The following TRIM44 variants were observed in gnomAD, a reference collection of about 807,000 sequenced individuals.
TRIM44 encodes tripartite motif containing 44.
Under a neutral mutation model 37.4 loss-of-function variants are expected in TRIM44, and 13 were observed. The ratio of observed to expected loss-of-function variants is 0.35; its 90% CI spans 0.23 to 0.55. The LOEUF is 0.55. TRIM44 is among the 20% of genes least tolerant of loss of function. The probability of loss-of-function intolerance (pLI) is 0.89; values close to 1 mark genes in which losing one functional copy is unlikely to be tolerated. For missense variants in TRIM44, 426 were observed against 437.2 expected (o/e 0.97, Z 0.23); for synonymous variants, 175 against 157.2 (o/e 1.11, Z -0.85).
intron 4 of TRIM44, among the ~76,000 whole-genome samples, chr11:35,755,234 T>C (rs1215014147): frequency 6.6e-6 from 1 of 152,222 alleles, no homozygotes; most frequent in Non-Finnish European, 1.5e-5. Context: ...GTGGTTTTGA[T>C]TTGCATTTCT....
intron 4 of TRIM44, among the ~76,000 whole-genome samples, chr11:35,788,973 A>G (rs1853165258): frequency 6.6e-6 from 1 of 152,222 alleles, no homozygotes; most frequent in South Asian, 2.1e-4. Flanking sequence ...TGTATATTTC[A>G]GCCTGAGGCC....
At chr11:35,705,355 A>T (rs1199314538) in intron 2 of TRIM44, among the ~76,000 whole-genome samples, 1 of 152,184 alleles carries the variant, frequency 6.6e-6, no homozygotes, top group African/African-American at 2.4e-5. Flanking sequence ...CAGATCAACG[A>T]GACAGAAAGT....
intron 4 of TRIM44, among the ~76,000 whole-genome samples, chr11:35,803,241 C>T (rs634229): frequency 0.97 from 147,321 of 151,366 alleles, 71,770 homozygotes; most frequent in East Asian, 1. Context: ...TGCTATAGAA[C>T]GTGCTGTCTG....
intron 2 of TRIM44, among the ~76,000 whole-genome samples, chr11:35,714,402 G>T (rs1402730617): frequency 6.6e-6 from 1 of 152,158 alleles, no homozygotes; most frequent in Non-Finnish European, 1.5e-5. Flanking sequence ...AGCTTCAGAA[G>T]CATGGAGTTA....
chr11:35,752,461 C>T (rs1270853504), intron 4 of TRIM44, among the ~76,000 whole-genome samples: 16 of 152,152 alleles, frequency 1.1e-4, no homozygotes. Context: ...TACATTGTGT[C>T]TGGAATTTGT....
chr11:35,761,021 C>A (rs1018228244), intron 4 of TRIM44, among the ~76,000 whole-genome samples: 10 of 152,112 alleles, frequency 6.6e-5, no homozygotes, highest in African/African-American at 2.4e-4. Context: ...TTTTAGATTC[C>A]ACATATTAGT....
Position 35,817,705 on chromosome 11 carries a change from C to T in TRIM44, c.*11320C>T, listed in dbSNP as rs2133891923. ...CCCAAATCTCATGTTGAAATGTAATCCCCAATGCTGGAGGTGGGACCTGGT... is the reference window on the plus strand; with the variant it reads ...CCCAAATCTCATGTTGAAATGTAATTCCCAATGCTGGAGGTGGGACCTGGT... On this transcript the variant is annotated 3_prime_UTR_variant, in exon 5 of 5. Coordinates refer to ENST00000299413, the MANE Select transcript of TRIM44 (RefSeq NM_017583.6). 6.6e-6 allele frequency: 1 copy of T among 152,290 alleles called. No homozygotes were observed. The highest frequency in any genetic ancestry group is 2.1e-4 in the South Asian group (1 of 4,820). The allele number at this position is 152,290 out of a possible 1,614,324, so 9.4% of individuals were successfully genotyped here. A position where few individuals can be genotyped will look rare whatever the true frequency, so the allele number is the denominator to read the frequency against.
chr11:35,668,922 CT>C (rs954998061), intron 1 of TRIM44, among the ~76,000 whole-genome samples: 1 of 151,208 alleles, frequency 6.6e-6, no homozygotes, highest in Non-Finnish European at 1.5e-5. Context: ...AATCATAATT[CT>C]TTTTTTTTCA....
In TRIM44 at chr11:35,735,428, C is replaced by T. The variant is rs371369046; in HGVS notation, c.990C>T (p.Gly330=). Residue 330 remains glycine (G), a splice_region_variant and synonymous_variant, in exon 4 of 5, where the codon GGC becomes GGT. Transcript: ENST00000299413. ...SNESAEPKAE[G]DEEGPSGASE... ...GTTTCTTTCTGTTTGTCTTTCAGGG[C>T]GATGAGGAAGGACCCAGGTAAGATC... The T allele has an allele frequency of 3.6e-5, 58 of 1,613,402 alleles. No homozygotes were observed. The highest frequency in any genetic ancestry group is 4.6e-5 in the Non-Finnish European group (54 of 1,179,632).
At chr11:35,689,761 C>T (rs1294125976) in intron 2 of TRIM44, among the ~76,000 whole-genome samples, 6 of 152,134 alleles carry the variant, frequency 3.9e-5, no homozygotes, top group Admixed American at 3.3e-4. Flanking sequence ...TCAGAGGTAA[C>T]CTAGGCTTGG....
chr11:35,794,864 A>T (rs1432044423), intron 4 of TRIM44, among the ~76,000 whole-genome samples: 1 of 152,272 alleles, frequency 6.6e-6, no homozygotes, highest in Non-Finnish European at 1.5e-5. Context: ...GTGATACGGC[A>T]GGGAACAAAA....
intron 1 of TRIM44, among the ~76,000 whole-genome samples, chr11:35,681,952 C>CTTT (rs35760830): frequency 1.6e-4 from 16 of 101,362 alleles, no homozygotes; most frequent in East Asian, 3.0e-4. Context: ...ATGTCCCATA[C>CTTT]TTTTTTTTTT....
intron 1 of TRIM44, among the ~76,000 whole-genome samples, chr11:35,665,749 A>C (rs965923085): frequency 6.6e-6 from 1 of 151,362 alleles, no homozygotes; most frequent in Non-Finnish European, 1.5e-5. Context: ...CACATGCCAC[A>C]ATGCCTAGCT....
chr11:35,792,072 TACACAC>T lies in TRIM44; in HGVS notation c.1008-14251_1008-14246del, dbSNP rs57127722. On this transcript the variant is annotated intron_variant, in intron 4 of 4. Coordinates refer to ENST00000299413, the MANE Select transcript of TRIM44 (RefSeq NM_017583.6). Reference sequence around the variant, plus strand: ...CCATCCCTTCCTGAGGAGTTGCCCCTACACACACACACACACACACACACACACACA... The same window carrying T: ...CCATCCCTTCCTGAGGAGTTGCCCCTACACACACACACACACACACACACA... Among the ~76,000 whole-genome samples, 341 of 136,832 alleles carry T rather than the reference TACACAC, an allele frequency of 2.5e-3. 4 individuals carry two copies. The highest frequency in any genetic ancestry group is 0.012 in the South Asian group (54 of 4,332). The allele number at this position is 136,832 out of a possible 152,430, so 89.8% of individuals were successfully genotyped here.
rs192971826 is a variant in TRIM44 at position 35,815,590 on chromosome 11, C to T, written c.*9205C>T. ...TTTTCCCTGGAAGATTCTGACCTGT[C>T]TGATCAAATAAAGGCATTCCTCTGA... On this transcript the variant is annotated 3_prime_UTR_variant, in exon 5 of 5. Transcript: ENST00000299413. 1.3e-5 allele frequency: 2 copies of T among 152,202 alleles called. No individual in the cohort carries two copies. Among genetic ancestry groups the T allele is most frequent in the Non-Finnish European group, 2.9e-5 (2 of 68,036 alleles). The allele number at this position is 152,202 out of a possible 1,614,324, so 9.4% of individuals were successfully genotyped here.
chr11:35,733,613 G>T (rs550010956), intron 3 of TRIM44, among the ~76,000 whole-genome samples: 3 of 152,096 alleles, frequency 2.0e-5, no homozygotes, highest in Non-Finnish European at 4.4e-5. Flanking sequence ...TCCCACTATT[G>T]CAGATCTTTA....
At chr11:35,771,277 C>A (rs1209527635) in intron 4 of TRIM44, among the ~76,000 whole-genome samples, 2 of 152,168 alleles carry the variant, frequency 1.3e-5, no homozygotes, top group Admixed American at 6.5e-5. Context: ...GCAAAGGTGA[C>A]TCTTGTTATG....
At chr11:35,762,800 C>G (rs1852746290) in intron 4 of TRIM44, among the ~76,000 whole-genome samples, 1 of 152,070 alleles carries the variant, frequency 6.6e-6, no homozygotes, top group African/African-American at 2.4e-5. Flanking sequence ...AACTTTAGAC[C>G]TACTATTTAA....
At chr11:35,695,275 AT>A (rs1303743012) in intron 2 of TRIM44, among the ~76,000 whole-genome samples, 3 of 152,140 alleles carry the variant, frequency 2.0e-5, no homozygotes, top group African/African-American at 7.2e-5. Flanking sequence ...CATTAGACTT[AT>A]GTCCTCTTGA....
Sources: gnomAD v4.1 joint callset for allele counts (sites outside exome capture counted in the v4.1 genomes callset) on GRCh38, gnomAD v4.1.1 for gene constraint, MANE v1.5 for transcripts, NCBI Gene and HGNC (gene_info 2026-07-23, HGNC 2026-07-21) for gene names.